The following ADAMTS19 variants were observed in gnomAD, a reference collection of about 807,000 sequenced individuals.
The protein encoded by ADAMTS19 is ADAM metallopeptidase with thrombospondin type 1 motif 19.
ADAMTS19 carries 93 observed loss-of-function variants against 153.3 expected under a neutral mutation model. The observed-to-expected ratio is 0.61, with a 90% CI of 0.51 to 0.72. The LOEUF (loss-of-function observed/expected upper bound fraction) is 0.72. Among genes scored for constraint, ADAMTS19 ranks in the 30% least tolerant of loss-of-function variants. The pLI is 0.00. For synonymous variants in ADAMTS19, 600 were observed against 556.6 expected (o/e 1.08, Z -1.10); for missense variants, 1,482 against 1,552.1 (o/e 0.95, Z 0.76).
At chr5:129,663,522 A>G (rs1753910280) in intron 15 of ADAMTS19, among the ~76,000 whole-genome samples, 1 of 152,276 alleles carries the variant, frequency 6.6e-6, no homozygotes, top group Admixed American at 6.5e-5. Context: ...ATGATGCCCC[A>G]TTGTCACATA....
intron 6 of ADAMTS19, among the ~76,000 whole-genome samples, 165 bp downstream of exon 6, chr5:129,528,842 G>A (rs1752104761): frequency 6.6e-6 from 1 of 151,974 alleles, no homozygotes; most frequent in Admixed American, 6.6e-5. Context: ...TAACTGATTT[G>A]TAAACAGCTA....
intron 19 of ADAMTS19, among the ~76,000 whole-genome samples, chr5:129,698,255 G>A (rs1273684881): frequency 6.6e-6 from 1 of 152,110 alleles, no homozygotes; most frequent in African/African-American, 2.4e-5. Context: ...GCAAAATATT[G>A]GAAAGAAAGA....
At chr5:129,654,575 C>G in intron 14 of ADAMTS19, 142 bp downstream of exon 14, 1 of 917,018 alleles carries the variant, frequency 1.1e-6, no homozygotes, top group Non-Finnish European at 1.6e-6. Context: ...TGACCTTGAG[C>G]AAGTCTGATT....
chr5:129,606,256 C>T (rs115966041), intron 8 of ADAMTS19, among the ~76,000 whole-genome samples: 1,749 of 152,208 alleles, frequency 0.011, 31 homozygotes, highest in African/African-American at 0.04. Flanking sequence ...CTGGAAATTG[C>T]GCCTGGATAG....
At chr5:129,729,140 G>C (rs1757330560) in intron 21 of ADAMTS19, among the ~76,000 whole-genome samples, 1 of 151,882 alleles carries the variant, frequency 6.6e-6, no homozygotes, top group Non-Finnish European at 1.5e-5. Context: ...ACAATACCTT[G>C]TCTAACAAAA....
At chr5:129,533,110 A>T (rs978303514) in intron 6 of ADAMTS19, among the ~76,000 whole-genome samples, 7 of 152,166 alleles carry the variant, frequency 4.6e-5, no homozygotes, top group Admixed American at 1.3e-4. Flanking sequence ...CACAAAAAAA[A>T]AAATTATACT....
At chr5:129,697,070 G>C (rs1306457748) in intron 19 of ADAMTS19, among the ~76,000 whole-genome samples, 1 of 152,114 alleles carries the variant, frequency 6.6e-6, no homozygotes, top group Non-Finnish European at 1.5e-5. Context: ...TCAAATTATG[G>C]GGTAAAATAG....
intron 6 of ADAMTS19, among the ~76,000 whole-genome samples, chr5:129,545,152 T>TA (rs755994687): frequency 1.3e-5 from 2 of 151,928 alleles, no homozygotes; most frequent in Admixed American, 6.6e-5. Context: ...TCCACCTAAT[T>TA]AAAAAAAATA....
chr5:129,648,399 C>G (rs988721435), intron 12 of ADAMTS19, among the ~76,000 whole-genome samples: 8 of 152,140 alleles, frequency 5.3e-5, no homozygotes, highest in African/African-American at 1.2e-4. Context: ...GCTTTAAACT[C>G]TATTGGTGTA....
Position 129,509,127 on chromosome 5 carries a change from T to C in ADAMTS19, c.798T>C (p.Asn266=). 15 of 1,611,858 alleles carry C rather than the reference T, an allele frequency of 9.3e-6. No homozygotes were observed. The highest frequency in any genetic ancestry group is 1.3e-5 in the Non-Finnish European group (15 of 1,178,622). Residue 266 remains asparagine (N), a synonymous_variant, in exon 3 of 23, where the codon AAT becomes AAC. Transcript: ENST00000274487. ...NEDFIFIEPL[N]DTMAITGHPH... ...ACTTCATATTTATTGAGCCACTCAA[T>C]GATACAATGGCCATAACAGGTCACC...
intron 2 of ADAMTS19, among the ~76,000 whole-genome samples, chr5:129,486,396 AAG>A (rs568005105): frequency 8.5e-4 from 129 of 152,338 alleles, no homozygotes; most frequent in Admixed American, 2.8e-3. Flanking sequence ...ATGACAAAAA[AAG>A]AGTTTATCCT....
intron 7 of ADAMTS19, 87 bp from the exon 8 acceptor site, chr5:129,596,472 T>C: frequency 1.1e-6 from 1 of 906,272 alleles, no homozygotes; most frequent in Non-Finnish European, 1.7e-6. Flanking sequence ...TCGTGACAAC[T>C]GCCATTTTCA....
chr5:129,658,347 A>AAGAAAGAGAGAGAGAGAG (rs1753665183), intron 14 of ADAMTS19, among the ~76,000 whole-genome samples: 1 of 115,992 alleles, frequency 8.6e-6, no homozygotes, highest in Non-Finnish European at 1.8e-5. Context: ...GAAAGAAAGA[A>AAGAAAGAGAGAGAGAGAG]AGAAAGAAAG....
chr5:129,644,152 G>C (rs1220506051), intron 11 of ADAMTS19, among the ~76,000 whole-genome samples: 4 of 152,112 alleles, frequency 2.6e-5, no homozygotes, highest in Non-Finnish European at 4.4e-5. Context: ...AAAGTAAAAA[G>C]TTTTATTTTC....
In ADAMTS19 at chr5:129,509,261, A is replaced by C; in HGVS notation, c.913+19A>C. The C allele has an allele frequency of 1.2e-5, 19 of 1,602,170 alleles. No homozygotes were observed. Among genetic ancestry groups the C allele is most frequent in the Non-Finnish European group, 1.6e-5 (19 of 1,174,386 alleles). On this transcript the variant is annotated intron_variant, in intron 3 of 22. Transcript: ENST00000274487. Reference sequence around the variant, plus strand: ...ATTTCAGGTAAATGCCTTCTCCTGAAAGAGTTTTAAGTAAATATTCAATGT... The same window carrying C: ...ATTTCAGGTAAATGCCTTCTCCTGACAGAGTTTTAAGTAAATATTCAATGT...
At chr5:129,596,140 T>C (rs537945057) in intron 7 of ADAMTS19, among the ~76,000 whole-genome samples, 1 of 152,200 alleles carries the variant, frequency 6.6e-6, no homozygotes, top group South Asian at 2.1e-4. Context: ...AAGACTGCTT[T>C]ATATGTAGTT....
chr5:129,594,715 T>A (rs1367414714), intron 7 of ADAMTS19, among the ~76,000 whole-genome samples: 1 of 152,114 alleles, frequency 6.6e-6, no homozygotes, highest in Non-Finnish European at 1.5e-5. Flanking sequence ...TATGTTTAAA[T>A]CAAATTTTAA....
intron 3 of ADAMTS19, among the ~76,000 whole-genome samples, chr5:129,513,232 C>A (rs1171627124): frequency 6.6e-6 from 1 of 151,880 alleles, no homozygotes; most frequent in Admixed American, 6.6e-5. Context: ...ATCTAACCTT[C>A]TGTCTTTGTT....
chr5:129,547,594 T>C (rs1447074192), intron 6 of ADAMTS19, among the ~76,000 whole-genome samples: 5 of 150,532 alleles, frequency 3.3e-5, no homozygotes, highest in African/African-American at 1.3e-4. Context: ...AAATATAACT[T>C]GGCATTGAAT....
Sources: gnomAD v4.1 joint callset for allele counts (sites outside exome capture counted in the v4.1 genomes callset) on GRCh38, gnomAD v4.1.1 for gene constraint, MANE v1.5 for transcripts, NCBI Gene and HGNC (gene_info 2026-07-23, HGNC 2026-07-21) for gene names.